Variants in FGGY observed in about 807,000 individuals in gnomAD.
The protein encoded by FGGY is FGGY carbohydrate kinase domain-containing protein.
FGGY carries 72 observed loss-of-function variants against 71.3 expected under a neutral mutation model. The observed-to-expected ratio is 1.01, with a 90% CI of 0.84 to 1.23. The LOEUF (loss-of-function observed/expected upper bound fraction) is 1.23. FGGY is among the 50% of genes most tolerant of loss of function. The pLI is 0.00. For synonymous variants in FGGY, 251 were observed against 250.3 expected, an observed-to-expected ratio of 1.00 and a Z score of -0.02; for missense variants, 668 against 682.3, an observed-to-expected ratio of 0.98 and a Z score of 0.23.
chr1:59,487,648 G>A (rs2093694987), intron 6 of FGGY, among the ~76,000 whole-genome samples: 1 of 152,112 alleles, frequency 6.6e-6, no homozygotes, highest in African/African-American at 2.4e-5. Context: ...AAACCTGCCT[G>A]GGCTGGTGCT....
At chr1:59,706,747 A>C (rs1264965803) in intron 14 of FGGY, among the ~76,000 whole-genome samples, 2 of 152,150 alleles carry the variant, frequency 1.3e-5, no homozygotes. Context: ...TGGCCTCCAC[A>C]CTCTTAGCCC....
At position 59,665,849 on chromosome 1, in the gene FGGY, A is replaced by AT. The variant is rs1468393981; in HGVS notation, c.1297-1429dup. On this transcript the variant is annotated intron_variant, in intron 12 of 15. Transcript: ENST00000303721. Reference sequence around the variant, plus strand: ...TCACCACGCCCAGCTATTTTTTTGTATTTTTAGTAGAGATGGGGTTTCACC... The same window carrying AT: ...TCACCACGCCCAGCTATTTTTTTGTATTTTTTAGTAGAGATGGGGTTTCACC... Among the ~76,000 whole-genome samples the AT allele has an allele frequency of 8.6e-5, 13 of 151,824 alleles. No homozygotes were observed. The East Asian group carries it at 2.3e-3, about 27-fold the overall frequency.
At chr1:59,336,226 A>G (rs1178892770) in intron 2 of FGGY, among the ~76,000 whole-genome samples, 2 of 152,084 alleles carry the variant, frequency 1.3e-5, no homozygotes, top group Non-Finnish European at 2.9e-5. Flanking sequence ...CATCACTGTC[A>G]AATAGTCTGT....
At chr1:59,526,523 T>C (rs2094985408) in intron 7 of FGGY, among the ~76,000 whole-genome samples, 1 of 152,186 alleles carries the variant, frequency 6.6e-6, no homozygotes. Context: ...CTAATACAAC[T>C]TGCATACTGC....
chr1:59,625,549 A>G (rs578047558), intron 9 of FGGY, among the ~76,000 whole-genome samples: 1 of 152,090 alleles, frequency 6.6e-6, no homozygotes, highest in African/African-American at 2.4e-5. Context: ...CTTCTCCATT[A>G]GTAAGACACA....
chr1:59,491,634 G>T (rs567627479), intron 6 of FGGY, among the ~76,000 whole-genome samples: 2 of 150,978 alleles, frequency 1.3e-5, no homozygotes, highest in South Asian at 4.2e-4. Flanking sequence ...CTCTATATAT[G>T]TGACCATGTC....
intron 3 of FGGY, among the ~76,000 whole-genome samples, chr1:59,343,227 G>A (rs369181164): frequency 1.8e-4 from 27 of 152,258 alleles, no homozygotes; most frequent in African/African-American, 5.8e-4. Context: ...ATGTATTTTA[G>A]CAAGGTATTA....
chr1:59,437,208 T>G (rs1349567229), intron 5 of FGGY, among the ~76,000 whole-genome samples: 1 of 152,202 alleles, frequency 6.6e-6, no homozygotes, highest in Non-Finnish European at 1.5e-5. Flanking sequence ...TTCCATTATG[T>G]GTGAAGATGT....
rs142167874 is a variant in FGGY, at chr1:59,397,548, G to A, written c.554+18711G>A. On this transcript the variant is annotated intron_variant, in intron 5 of 15. Coordinates refer to ENST00000303721, the MANE Select transcript of FGGY (RefSeq NM_018291.5). ...ATAGAGGGCAAGGCAGATACTAGTG[G>A]ACTATACTGGATGTAGGAAGACTTT... 5.6e-4 allele frequency among the ~76,000 whole-genome samples: 86 copies of A among 152,260 alleles called. No individual in the cohort carries two copies. The Middle Eastern group carries it at 0.014, about 24-fold the overall frequency.
intron 10 of FGGY, among the ~76,000 whole-genome samples, chr1:59,633,483 C>T (rs556106699): frequency 6.1e-4 from 93 of 152,270 alleles, no homozygotes; most frequent in Non-Finnish European, 9.3e-4. Flanking sequence ...GGCATAGGGG[C>T]ATGTGTAGGG....
intron 8 of FGGY, among the ~76,000 whole-genome samples, chr1:59,590,499 A>C (rs949426826): frequency 1.8e-4 from 27 of 152,340 alleles, no homozygotes; most frequent in African/African-American, 6.3e-4. Flanking sequence ...AGAGAATTTT[A>C]GACCAATATC....
chr1:59,427,013 A>G (rs1396412656), intron 5 of FGGY, among the ~76,000 whole-genome samples: 1 of 152,188 alleles, frequency 6.6e-6, no homozygotes, highest in Non-Finnish European at 1.5e-5. Flanking sequence ...AAAATCTTTC[A>G]ACTGATTATG....
intron 6 of FGGY, among the ~76,000 whole-genome samples, chr1:59,487,441 T>C: frequency 6.6e-6 from 1 of 152,016 alleles, no homozygotes; most frequent in Non-Finnish European, 1.5e-5. Context: ...GCAGGGGCCA[T>C]GTCCATCTCA....
intron 2 of FGGY, among the ~76,000 whole-genome samples, chr1:59,329,757 C>T (rs1260107925): frequency 1.3e-5 from 2 of 152,220 alleles, no homozygotes; most frequent in Non-Finnish European, 1.5e-5. Flanking sequence ...CTAAGCTATC[C>T]AATCCAATAG....
At chr1:59,574,696 T>G (rs537916947) in intron 8 of FGGY, among the ~76,000 whole-genome samples, 1 of 152,316 alleles carries the variant, frequency 6.6e-6, no homozygotes, top group South Asian at 2.1e-4. Flanking sequence ...TTAGTGATTT[T>G]TCATTGCTTT....
intron 14 of FGGY, among the ~76,000 whole-genome samples, chr1:59,698,512 C>T (rs1248312890): frequency 6.6e-6 from 1 of 152,150 alleles, no homozygotes; most frequent in East Asian, 1.9e-4. Flanking sequence ...CCCCCATGGC[C>T]TCATGGTTAA....
intron 4 of FGGY, among the ~76,000 whole-genome samples, chr1:59,346,641 C>A (rs2051988329): frequency 6.6e-6 from 1 of 152,108 alleles, no homozygotes; most frequent in African/African-American, 2.4e-5. Context: ...AGGCCAACGA[C>A]CCTATGAAGT....
chr1:59,391,625 A>G (rs1255965704), intron 5 of FGGY, among the ~76,000 whole-genome samples: 1 of 152,156 alleles, frequency 6.6e-6, no homozygotes, highest in Non-Finnish European at 1.5e-5. Context: ...GACGATTATG[A>G]TGTGCACTCT....
At chr1:59,600,384 A>C (rs899909998) in intron 8 of FGGY, among the ~76,000 whole-genome samples, 1 of 152,186 alleles carries the variant, frequency 6.6e-6, no homozygotes, top group Non-Finnish European at 1.5e-5. Context: ...CATCCAGGTC[A>C]AAGGTTCCAT....
Sources: allele counts gnomAD v4.1 joint callset (sites outside exome capture counted in the v4.1 genomes callset), GRCh38; gene constraint gnomAD v4.1.1; transcripts MANE v1.5; gene names NCBI Gene and HGNC (gene_info 2026-07-23, HGNC 2026-07-21).